ADGRL3: variants seen among roughly 807,000 people sequenced by gnomAD.
ADGRL3 encodes adhesion G protein-coupled receptor L3.
ADGRL3 carries 62 observed loss-of-function variants against 153.5 expected under a neutral mutation model. That is an observed-to-expected ratio of 0.40 (90% CI 0.33 to 0.50). The LOEUF is 0.50. Among genes scored for constraint, ADGRL3 ranks in the 20% least tolerant of loss-of-function variants. The pLI, the probability that ADGRL3 is intolerant of heterozygous loss-of-function variation, is 0.47. For missense variants in ADGRL3, 1,641 were observed against 1,859.4 expected (o/e 0.88, Z 2.16); for synonymous variants, 710 against 672.5 (o/e 1.06, Z -0.86).
chr4:61,444,679 A>C (rs1578892600), intron 2 of ADGRL3, among the ~76,000 whole-genome samples: 1 of 152,158 alleles, frequency 6.6e-6, no homozygotes, highest in South Asian at 2.1e-4. Context: ...GGAATTACTT[A>C]TTGTTATGAG....
rs186845817 is a variant in ADGRL3 at position 61,767,128 on chromosome 4, A to G, written c.1399+33574A>G. On this transcript the variant is annotated intron_variant, in intron 8 of 26. Transcript: ENST00000683033. ...TGGTCGCCAAGGAGGGAGTAGAGGT[A>G]TCTTATACTTGTGGGTTAAGGTTGG... Among the ~76,000 whole-genome samples, 1,396 of 151,928 alleles carry G rather than the reference A, an allele frequency of 9.2e-3. 36 individuals carry two copies. Among genetic ancestry groups the G allele is most frequent in the African/African-American group, 0.032 (1,326 of 41,328 alleles).
chr4:61,895,807 T>A lies in ADGRL3; in HGVS notation c.1860T>A (p.Ser620=), dbSNP rs2098627858. 1 of 1,595,342 alleles carries A rather than the reference T, an allele frequency of 6.3e-7. No homozygotes were observed. The highest frequency in any genetic ancestry group is 1.7e-4 in the Middle Eastern group (1 of 5,996). The change falls in exon 11 of 27, where the codon TCT becomes TCA. Residue 620 remains serine, a synonymous_variant. Transcript: ENST00000683033. ...PQGPDLSNCS[S]PWVNHITQKL... ...GTCCAGATCTCAGCAACTGTTCTTCTCCTTGGGTCAATCATATAACACAGA... is the reference window on the plus strand; with the variant it reads ...GTCCAGATCTCAGCAACTGTTCTTCACCTTGGGTCAATCATATAACACAGA...
intron 8 of ADGRL3, among the ~76,000 whole-genome samples, chr4:61,813,304 G>C (rs2097651479): frequency 6.6e-6 from 1 of 152,126 alleles, no homozygotes; most frequent in African/African-American, 2.4e-5. Flanking sequence ...TGAGGCAGGA[G>C]AACAGCTTGA....
chr4:61,433,380 C>A (rs2097400538), intron 2 of ADGRL3, among the ~76,000 whole-genome samples: 1 of 149,784 alleles, frequency 6.7e-6, no homozygotes. Flanking sequence ...AAAAATCAGG[C>A]CACCTCTCTC....
intron 21 of ADGRL3, among the ~76,000 whole-genome samples, chr4:62,025,258 T>G (rs1717813662): frequency 6.6e-6 from 1 of 152,186 alleles, no homozygotes; most frequent in African/African-American, 2.4e-5. Flanking sequence ...GCCAAGCTAT[T>G]CGTGTTATTA....
chr4:61,744,929 G>A (rs374600471), intron 8 of ADGRL3, among the ~76,000 whole-genome samples: 3 of 152,230 alleles, frequency 2.0e-5, no homozygotes, highest in Admixed American at 6.5e-5. Context: ...GCTACAGGAG[G>A]AAATTAAAAC....
At chr4:61,563,948 G>A (rs1489458604) in intron 4 of ADGRL3, among the ~76,000 whole-genome samples, 1 of 152,068 alleles carries the variant, frequency 6.6e-6, no homozygotes, top group Admixed American at 6.6e-5. Flanking sequence ...GGCGCAGATT[G>A]CAGTGAGCCG....
intron 10 of ADGRL3, among the ~76,000 whole-genome samples, chr4:61,893,480 G>T (rs1489304405): frequency 6.6e-6 from 1 of 152,046 alleles, no homozygotes; most frequent in Non-Finnish European, 1.5e-5. Flanking sequence ...TGAGGTTGAG[G>T]ACTTCTATAT....
intron 9 of ADGRL3, among the ~76,000 whole-genome samples, chr4:61,888,350 C>T (rs1249455977): frequency 1.3e-5 from 2 of 152,194 alleles, no homozygotes; most frequent in Non-Finnish European, 2.9e-5. Flanking sequence ...GATTCAATAA[C>T]AGTATATATT....
chr4:61,436,897 A>AAG (rs33911098), intron 2 of ADGRL3, among the ~76,000 whole-genome samples: 34,381 of 151,708 alleles, frequency 0.23, 4,154 homozygotes, highest in Middle Eastern at 0.31. Flanking sequence ...TATCAAAAAA[A>AAG]AGGGAGTCTA....
intron 2 of ADGRL3, among the ~76,000 whole-genome samples, chr4:61,392,708 A>AAAAAAAAAAAAAAAAAAAAAAAAT: frequency 1.1e-5 from 1 of 92,800 alleles, no homozygotes; most frequent in East Asian, 3.3e-4. Context: ...AAAAAAAAAG[A>AAAAAAAAAAAAAAAAAAAAAAAAT]AAAAGGAAAA....
chr4:61,746,177 C>G (rs1472167927), intron 8 of ADGRL3, among the ~76,000 whole-genome samples: 2 of 152,112 alleles, frequency 1.3e-5, no homozygotes, highest in Admixed American at 1.3e-4. Context: ...TATATATGCA[C>G]CCAACACAGG....
chr4:62,051,993 T>C (rs1734459299), intron 25 of ADGRL3, among the ~76,000 whole-genome samples: 1 of 151,712 alleles, frequency 6.6e-6, no homozygotes, highest in African/African-American at 2.4e-5. Flanking sequence ...TGCCTCCTTG[T>C]ATTTGTTGAT....
At chr4:61,420,031 A>G (rs1160468712) in intron 2 of ADGRL3, among the ~76,000 whole-genome samples, 1 of 151,810 alleles carries the variant, frequency 6.6e-6, no homozygotes, top group Non-Finnish European at 1.5e-5. Flanking sequence ...CAAACTCCTG[A>G]CCTCAGGTGA....
chr4:61,485,696 A>T (rs768914784), intron 2 of ADGRL3, among the ~76,000 whole-genome samples: 1 of 152,168 alleles, frequency 6.6e-6, no homozygotes, highest in Admixed American at 6.5e-5. Flanking sequence ...AGGAGTTGGA[A>T]TAGGATGAAT....
At chr4:61,969,333 CA>C (rs869174418) in intron 17 of ADGRL3, among the ~76,000 whole-genome samples, 1 of 151,222 alleles carries the variant, frequency 6.6e-6, no homozygotes, top group East Asian at 2.0e-4. Flanking sequence ...GATTGACTTA[CA>C]AAAACTTGCC....
intron 4 of ADGRL3, among the ~76,000 whole-genome samples, chr4:61,535,551 G>A (rs1402152864): frequency 2.0e-5 from 3 of 152,034 alleles, no homozygotes; most frequent in African/African-American, 4.8e-5. Context: ...ATTCAGGTGT[G>A]AATCCACCTG....
chr4:61,403,983 A>T (rs1474942164), intron 2 of ADGRL3, among the ~76,000 whole-genome samples: 1 of 151,982 alleles, frequency 6.6e-6, no homozygotes, highest in Non-Finnish European at 1.5e-5. Flanking sequence ...GCTTCCTTAG[A>T]GGCTTCATCT....
At chr4:61,855,758 T>C (rs1018928129) in intron 9 of ADGRL3, among the ~76,000 whole-genome samples, 5 of 152,114 alleles carry the variant, frequency 3.3e-5, no homozygotes, top group African/African-American at 1.2e-4. Context: ...TAGTGACAGA[T>C]GTAATTTCTT....
Sources: gnomAD v4.1 joint callset for allele counts (sites outside exome capture counted in the v4.1 genomes callset) on GRCh38, gnomAD v4.1.1 for gene constraint, MANE v1.5 for transcripts, NCBI Gene and HGNC (gene_info 2026-07-23, HGNC 2026-07-21) for gene names.